PCDHA3: variants seen among roughly 807,000 people sequenced by gnomAD.
PCDHA3 encodes protocadherin alpha-3.
A neutral mutation model predicts 62.2 loss-of-function variants in PCDHA3; 41 were observed. The ratio of observed to expected loss-of-function variants is 0.66; its 90% confidence interval spans 0.51 to 0.86. PCDHA3 has a LOEUF of 0.86. Ranked by LOEUF, PCDHA3 falls within the 40% of genes least tolerant of loss-of-function variation. PCDHA3 has a pLI of 0.00. For synonymous variants in PCDHA3, 640 were observed against 555.4 expected (o/e 1.15, Z -2.14); for missense variants, 1,304 against 1,241.2 (o/e 1.05, Z -0.76).
chr5:140,850,436 A>G (rs2150484342), intron 1 of PCDHA3: 1 of 1,597,612 alleles, frequency 6.3e-7, no homozygotes, highest in Admixed American at 1.7e-5. Context: ...GCCAGCGCCT[A>G]CTGGTGCTGG....
At chr5:140,822,243 G>A (rs2150114837) in intron 1 of PCDHA3, 12 of 1,614,136 alleles carry the variant, frequency 7.4e-6, no homozygotes, top group Non-Finnish European at 1.0e-5. Flanking sequence ...TAGAGGGCGC[G>A]TCGGATTTGG....
intron 3 of PCDHA3, among the ~76,000 whole-genome samples, chr5:140,994,753 G>A (rs143791883): frequency 1.1e-4 from 16 of 152,252 alleles, no homozygotes; most frequent in African/African-American, 3.9e-4. Context: ...AGTAGGATGT[G>A]GAGAGGAAGA....
At chr5:140,990,772 C>T (rs1554251728) in intron 3 of PCDHA3, among the ~76,000 whole-genome samples, 1 of 152,164 alleles carries the variant, frequency 6.6e-6, no homozygotes, top group African/African-American at 2.4e-5. Context: ...AAATTTGGCT[C>T]TGTGTTGGAC....
In PCDHA3 at chr5:140,809,350, G is replaced by A. The variant is rs782451445; in HGVS notation, c.2394+5759G>A. ...TCACGCTGCTGCTGTACACCGCGCT[G>A]CGGTGCTCTGCGCTGCCCACCGAGG... On this transcript the variant is annotated intron_variant, in intron 1 of 3. Transcript: ENST00000522353. 4 of 1,613,926 alleles carry A rather than the reference G, an allele frequency of 2.5e-6. No homozygotes were observed. In the African/African-American group the frequency reaches 5.3e-5, roughly 22 times the overall value.
At chr5:140,827,002 C>T (rs1769143611) in intron 1 of PCDHA3, among the ~76,000 whole-genome samples, 2 of 152,060 alleles carry the variant, frequency 1.3e-5, no homozygotes, top group Non-Finnish European at 2.9e-5. Context: ...ATGGGAAATG[C>T]TCATGTCATT....
chr5:140,923,133 G>T (rs1177084353), intron 1 of PCDHA3, among the ~76,000 whole-genome samples: 3 of 152,082 alleles, frequency 2.0e-5, no homozygotes, highest in African/African-American at 7.2e-5. Context: ...ACACTTTGAA[G>T]GTGGAATATA....
chr5:140,890,828 A>G (rs1554184556), intron 1 of PCDHA3, among the ~76,000 whole-genome samples: 1 of 152,180 alleles, frequency 6.6e-6, no homozygotes, highest in Non-Finnish European at 1.5e-5. Flanking sequence ...ATGTACTTAC[A>G]TATTTACCAG....
intron 1 of PCDHA3, chr5:140,824,349 T>C (rs1288937834): frequency 3.4e-6 from 2 of 588,082 alleles, no homozygotes; most frequent in Admixed American, 3.5e-5. Flanking sequence ...TTTAAAATAA[T>C]ATTTTATATT....
chr5:140,958,724 A>G (rs1563299236), intron 1 of PCDHA3, among the ~76,000 whole-genome samples: 1 of 152,188 alleles, frequency 6.6e-6, no homozygotes, highest in Admixed American at 6.5e-5. Context: ...TAAATGTAAC[A>G]CTGAATGGGA....
intron 1 of PCDHA3, among the ~76,000 whole-genome samples, chr5:140,832,258 A>G (rs2150200533): frequency 6.6e-6 from 1 of 152,304 alleles, no homozygotes; most frequent in African/African-American, 2.4e-5. Context: ...TGTTCCCAGG[A>G]AATATTAGAC....
intron 1 of PCDHA3, chr5:140,851,440 C>T (rs1474204778): frequency 1.1e-6 from 1 of 926,576 alleles, no homozygotes; most frequent in South Asian, 4.9e-5. Flanking sequence ...AAAACAGTTG[C>T]TCCACTTTAG....
chr5:140,830,141 G>A (rs1770846453), intron 1 of PCDHA3: 1 of 1,613,282 alleles, frequency 6.2e-7, no homozygotes, highest in African/African-American at 1.3e-5. Context: ...ACGGGCGTCG[G>A]TGGGCGCCGC....
intron 1 of PCDHA3, chr5:140,875,402 CT>C (rs2055455404): frequency 6.7e-7 from 1 of 1,488,754 alleles, no homozygotes; most frequent in African/African-American, 1.4e-5. Flanking sequence ...AGGGTGACTG[CT>C]CATAAAATAC....
chr5:140,809,284 C>T (rs1764416087), intron 1 of PCDHA3: 1 of 1,614,114 alleles, frequency 6.2e-7, no homozygotes, highest in Non-Finnish European at 8.5e-7. Context: ...TCAACGTATA[C>T]CTGATCATTG....
intron 2 of PCDHA3, among the ~76,000 whole-genome samples, chr5:140,982,179 T>C (rs950269342): frequency 6.6e-6 from 1 of 152,396 alleles, no homozygotes. Flanking sequence ...CTTAGTCCTC[T>C]GATGGGCTTC....
At position 140,850,688 on chromosome 5, in the gene PCDHA3, G is replaced by T. The variant is rs370343489; in HGVS notation, c.2394+47097G>T. ...GCTCGGCGATGCCCACCGAGGGCGA[G>T]TGCGCGCCTGGCAAGCCGACGCTGG... On this transcript the variant is annotated intron_variant, in intron 1 of 3. Coordinates refer to ENST00000522353, the MANE Select transcript of PCDHA3 (RefSeq NM_018906.3). The T allele has an allele frequency of 5.0e-6, 8 of 1,598,504 alleles. 1 individual carries two copies. Among genetic ancestry groups the T allele is most frequent in the Non-Finnish European group, 6.9e-6 (8 of 1,167,882 alleles).
chr5:140,927,460 G>A, intron 1 of PCDHA3: 2 of 1,614,148 alleles, frequency 1.2e-6, no homozygotes, highest in South Asian at 1.1e-5. Context: ...GTTGGAGAAA[G>A]CACTGGATCG....
intron 1 of PCDHA3, 62 bp downstream of exon 1, chr5:140,803,653 C>G: frequency 6.2e-7 from 1 of 1,610,666 alleles, no homozygotes; most frequent in Non-Finnish European, 8.5e-7. Context: ...AATGTTTCCA[C>G]TCCTCTGGAA....
chr5:140,999,527 C>T (rs578180518), intron 3 of PCDHA3, among the ~76,000 whole-genome samples: 27 of 152,206 alleles, frequency 1.8e-4, no homozygotes, highest in African/African-American at 5.8e-4. Flanking sequence ...TTGTTACCCC[C>T]TGGATATGAC....
Sources: gnomAD v4.1 joint callset for allele counts (sites outside exome capture counted in the v4.1 genomes callset) on GRCh38, gnomAD v4.1.1 for gene constraint, MANE v1.5 for transcripts, NCBI Gene and HGNC (gene_info 2026-07-23, HGNC 2026-07-21) for gene names.